Variants in ASIC3 observed in about 807,000 individuals in gnomAD.
The protein encoded by ASIC3 is acid-sensing ion channel 3.
ASIC3 carries 46 observed loss-of-function variants against 58.6 expected under a neutral mutation model. The ratio of observed to expected loss-of-function variants is 0.79; its 90% confidence interval spans 0.62 to 1.00. The LOEUF is 1.00. Ranked by LOEUF, ASIC3 falls within the 50% of genes least tolerant of loss-of-function variation. ASIC3 has a pLI of 0.00. For missense variants in ASIC3, 770 were observed against 735.0 expected (o/e 1.05, Z -0.55); for synonymous variants, 336 against 300.2 (o/e 1.12, Z -1.23).
In ASIC3 at chr7:151,052,554, C is replaced by A. The variant is rs1361554751; in HGVS notation, c.1518-20C>A. ...GTGGGTGTGCCCGTTCCCACCCCAG[C>A]ACTCTGCTCTGTTCCGAAGACCTCC... On this transcript the variant is annotated intron_variant, in intron 10 of 10. Coordinates refer to ENST00000349064, the MANE Select transcript of ASIC3 (RefSeq NM_004769.4). The surrounding 1 kb of genome is among the most constrained non-coding windows in gnomAD (Gnocchi z 5.0). 6.2e-7 allele frequency: 1 copy of A among 1,613,604 alleles called. No homozygotes were observed. Among genetic ancestry groups the A allele is most frequent in the African/African-American group, 1.3e-5 (1 of 74,896 alleles).
intron 2 of ASIC3, 65 bp downstream of exon 2, chr7:151,050,321 G>A: frequency 6.3e-7 from 1 of 1,577,000 alleles, no homozygotes; most frequent in Non-Finnish European, 8.6e-7. Context: ...AGGGGAAGGA[G>A]AGGAGGAGAG....
Position 151,052,182 on chromosome 7 carries a change from T to C in ASIC3, c.1403T>C (p.Val468Ala), listed in dbSNP as rs1196989410. 6.2e-7 allele frequency: 1 copy of C among 1,613,796 alleles called. No homozygotes were observed. Among genetic ancestry groups the C allele is most frequent in the South Asian group, 1.1e-5 (1 of 91,074 alleles). The change falls in exon 9 of 11, where the codon GTC becomes GCC. Residue 468 changes from valine to alanine, a missense_variant. Val to Ala is a moderately conservative substitution (Grantham distance 64). Coordinates refer to ENST00000349064, the MANE Select transcript of ASIC3 (RefSeq NM_004769.4). This position sits in a 1 kb window ranked among gnomAD's most constrained non-coding sequence, Gnocchi z 5.0. ...DYLCEVFRDKVLGYFWNRQHS... is the reference protein window; with the variant it reads ...DYLCEVFRDKALGYFWNRQHS... ...TGCCTCCAGGTGTTCCGAGACAAGGTCCTGGGATATTTCTGGAACCGACAG... is the reference window on the plus strand; with the variant it reads ...TGCCTCCAGGTGTTCCGAGACAAGGCCCTGGGATATTTCTGGAACCGACAG...
rs1037682857 is a variant in ASIC3 at position 151,048,696 on chromosome 7, G to A, written c.-190G>A. 4.4e-6 allele frequency: 3 copies of A among 675,082 alleles called. No individual in the cohort carries two copies. The highest frequency in any genetic ancestry group is 2.1e-5 in the South Asian group (1 of 47,136). 41.8% of individuals were successfully genotyped at this position (675,082 alleles called of 1,614,324 possible). Reference sequence around the variant, plus strand: ...CGGGAAGGAACAGTGGGACCTGACCGGCCAGATCACCTCCTCCAATCCTGC... The same window carrying A: ...CGGGAAGGAACAGTGGGACCTGACCAGCCAGATCACCTCCTCCAATCCTGC... On this transcript the variant is annotated 5_prime_UTR_variant, in exon 1 of 11. Transcript: ENST00000349064.
At position 151,051,032 on chromosome 7, in the gene ASIC3, C is replaced by T; in HGVS notation, c.1010-7C>T. The T allele has an allele frequency of 6.2e-7, 1 of 1,613,328 alleles. No individual in the cohort carries two copies. ...TGCTTCTAAAGCCATCTCCCCGGTA[C>T]CCGCAGGCGACGTGCCAGTGTGCAG... On this transcript the variant is annotated splice_polypyrimidine_tract_variant and splice_region_variant and intron_variant, in intron 4 of 10. Transcript: ENST00000349064.
At chr7:151,051,656 C>T (rs1314127553) in intron 6 of ASIC3, among the ~76,000 whole-genome samples, 154 bp from the exon 7 acceptor site, 7 of 151,976 alleles carry the variant, frequency 4.6e-5, no homozygotes, top group African/African-American at 1.7e-4. Flanking sequence ...CCTCCCTCCT[C>T]ATCCTCCCAA....
intron 3 of ASIC3, 22 bp downstream of exon 3, chr7:151,050,630 C>A: frequency 6.2e-7 from 1 of 1,613,564 alleles, no homozygotes; most frequent in Non-Finnish European, 8.5e-7. Context: ...TGTGCCTCCA[C>A]ACCTACTACT....
In ASIC3 at chr7:151,048,708, T is replaced by A. The variant is rs913272056; in HGVS notation, c.-178T>A. 6 of 737,512 alleles carry A rather than the reference T, an allele frequency of 8.1e-6. No homozygotes were observed. The highest frequency in any genetic ancestry group is 1.8e-5 in the African/African-American group (1 of 56,882). The allele number at this position is 737,512 out of a possible 1,614,324, so 45.7% of individuals were successfully genotyped here. On this transcript the variant is annotated 5_prime_UTR_variant, in exon 1 of 11. Coordinates refer to ENST00000349064, the MANE Select transcript of ASIC3 (RefSeq NM_004769.4). ...GTGGGACCTGACCGGCCAGATCACC[T>A]CCTCCAATCCTGCCAGGCTAGTGCC...
At chr7:151,051,632 C>A (rs1584969196) in intron 6 of ASIC3, among the ~76,000 whole-genome samples, 178 bp from the exon 7 acceptor site, 1 of 152,012 alleles carries the variant, frequency 6.6e-6, no homozygotes, top group East Asian at 1.9e-4. Flanking sequence ...GTCTCAAACT[C>A]CTGGCCTCAA....
chr7:151,051,133 TCCGCC>T (rs752166306), intron 5 of ASIC3, 34 bp from the exon 6 acceptor site: 2 of 1,600,732 alleles, frequency 1.2e-6, no homozygotes, highest in Non-Finnish European at 1.7e-6. Flanking sequence ...TCCGCCCCGC[TCCGCC>T]CGCGGGCGTC....
In ASIC3 at chr7:151,051,861, C is replaced by T. The variant is rs777308679; in HGVS notation, c.1266C>T (p.Thr422=). 27 of 1,613,202 alleles carry T rather than the reference C, an allele frequency of 1.7e-5. No homozygotes were observed. Among genetic ancestry groups the T allele is most frequent in the East Asian group, 1.1e-4 (5 of 44,820 alleles). Reference sequence around the variant, plus strand: ...TCTTTGAGGCCCTCAACTATGAGACCGTGGAGCAGAAGAAGGCCTATGAGA... The same window carrying T: ...TCTTTGAGGCCCTCAACTATGAGACTGTGGAGCAGAAGAAGGCCTATGAGA... ...DIFFEALNYE[T]VEQKKAYEMS... Residue 422 remains threonine (T), a synonymous_variant, in exon 7 of 11, where the codon ACC becomes ACT. Transcript: ENST00000349064.
At chr7:151,050,978 A>AT (rs955074040) in intron 4 of ASIC3, 25 bp downstream of exon 4, 18 of 1,613,170 alleles carry the variant, frequency 1.1e-5, no homozygotes, top group Admixed American at 1.7e-5. Flanking sequence ...TTTTCGTCCC[A>AT]TGGCGGGCAG....
Position 151,049,053 on chromosome 7 carries a change from C to G in ASIC3, c.168C>G (p.Phe56Leu), listed in dbSNP as rs1306360562. ...CCGTGGTCCTGTCAGTGGCCACCTT[C>G]CTCTACCAGGTGGCTGAGAGGGTGC... Reference protein sequence around the residue: ...AAAVVLSVATFLYQVAERVRY... With the variant: ...AAAVVLSVATLLYQVAERVRY... The change falls in exon 1 of 11, where the codon TTC becomes TTG. Residue 56 changes from phenylalanine to leucine, a missense_variant. By Grantham distance (22) the Phe-to-Leu change is conservative (BLOSUM62 0). Transcript: ENST00000349064. 6.2e-7 allele frequency: 1 copy of G among 1,613,836 alleles called. No homozygotes were observed. Among genetic ancestry groups the G allele is most frequent in the Non-Finnish European group, 8.5e-7 (1 of 1,179,922 alleles).
chr7:151,050,698 C>G, intron 3 of ASIC3, 60 bp from the exon 4 acceptor site: 2 of 1,604,994 alleles, frequency 1.2e-6, no homozygotes, highest in East Asian at 2.2e-5. Context: ...GTCTAGGGGC[C>G]TCTCCCCAGC....
Position 151,049,197 on chromosome 7 carries a change from C to G in ASIC3, c.312C>G (p.Pro104=). The G allele has an allele frequency of 6.2e-7, 1 of 1,613,416 alleles. No individual in the cohort carries two copies. Among genetic ancestry groups the G allele is most frequent in the Non-Finnish European group, 8.5e-7 (1 of 1,179,714 alleles). The change falls in exon 1 of 11, where the codon CCC becomes CCG. Residue 104 remains proline, a synonymous_variant. Transcript: ENST00000349064. ...CACTGCGCCGCTCGCGCCTAACGCC[C>G]AACGACCTGCACTGGGCTGGGTCTG... The part of the protein sequence containing the change: ...INPLRRSRLT[P]NDLHWAGSAL...
At chr7:151,050,418 C>T in intron 2 of ASIC3, 63 bp from the exon 3 acceptor site, 1 of 1,595,306 alleles carries the variant, frequency 6.3e-7, no homozygotes, top group South Asian at 1.1e-5. Flanking sequence ...AGTGAGAGGT[C>T]TTGTCTGGTT....
chr7:151,052,569 C>G lies in ASIC3; in HGVS notation c.1518-5C>G, dbSNP rs748736458. On this transcript the variant is annotated splice_polypyrimidine_tract_variant and splice_region_variant and intron_variant, in intron 10 of 10. Coordinates refer to ENST00000349064, the MANE Select transcript of ASIC3 (RefSeq NM_004769.4). This position sits in a 1 kb window ranked among gnomAD's most constrained non-coding sequence, Gnocchi z 5.0. The stretch of plus-strand genomic sequence containing the variant: ...CCCACCCCAGCACTCTGCTCTGTTC[C>G]GAAGACCTCCCACCCCTCCCTGTGC... The G allele has an allele frequency of 6.2e-7, 1 of 1,613,644 alleles. No homozygotes were observed. The highest frequency in any genetic ancestry group is 1.1e-5 in the South Asian group (1 of 90,960).
Position 151,050,875 on chromosome 7 carries a change from A to G in ASIC3, c.931A>G (p.Thr311Ala). The G allele has an allele frequency of 1.2e-6, 2 of 1,612,624 alleles. No homozygotes were observed. Among genetic ancestry groups the G allele is most frequent in the Non-Finnish European group, 1.7e-6 (2 of 1,179,792 alleles). Residue 311 changes from threonine (T) to alanine (A), a missense_variant, in exon 4 of 11, where the codon ACC becomes GCC. Coordinates refer to ENST00000349064, the MANE Select transcript of ASIC3 (RefSeq NM_004769.4). ...SPSPSPSPPYTLMGCRLACET... is the reference protein window; with the variant it reads ...SPSPSPSPPYALMGCRLACET... Reference sequence around the variant, plus strand: ...CAGCCCCAGCCCCAGCCCTCCCTATACCCTTATGGGGTGTCGCCTGGCCTG... The same window carrying G: ...CAGCCCCAGCCCCAGCCCTCCCTATGCCCTTATGGGGTGTCGCCTGGCCTG...
rs1252906381 is a variant in ASIC3, at chr7:151,049,401, G to A, written c.516G>A (p.Gly172=). The change falls in exon 1 of 11, where the codon GGG becomes GGA. Residue 172 remains glycine (G), a synonymous_variant. Transcript: ENST00000349064. ...GTCGCTTCCGTGGCCAACCTTGTGG[G>A]CCTGAGAACTTCACCACGGTGAGCT... ...LDCRFRGQPC[G]PENFTTIFTR... is the part of the protein sequence containing the mutation. 1 of 1,593,814 alleles carries A rather than the reference G, an allele frequency of 6.3e-7. No individual in the cohort carries two copies. Among genetic ancestry groups the A allele is most frequent in the East Asian group, 2.2e-5 (1 of 44,570 alleles).
Position 151,049,205 on chromosome 7 carries a change from T to C in ASIC3, c.320T>C (p.Leu107Pro). ...CGCTCGCGCCTAACGCCCAACGACC[T>C]GCACTGGGCTGGGTCTGCGCTGCTG... ...LRRSRLTPND[L>P]HWAGSALLGL... is the part of the protein sequence containing the mutation. Residue 107 changes from leucine to proline, a missense_variant, in exon 1 of 11, where the codon CTG (leucine) becomes CCG (proline). Coordinates refer to ENST00000349064, the MANE Select transcript of ASIC3 (RefSeq NM_004769.4). The C allele has an allele frequency of 1.2e-6, 2 of 1,613,054 alleles. No homozygotes were observed. The highest frequency in any genetic ancestry group is 2.2e-5 in the South Asian group (2 of 91,064).
Sources: gnomAD v4.1 joint callset for allele counts (sites outside exome capture counted in the v4.1 genomes callset) on GRCh38, gnomAD v4.1.1 for gene constraint, Gnocchi (gnomAD v3.1) non-coding constraint, MANE v1.5 for transcripts, NCBI Gene and HGNC (gene_info 2026-07-23, HGNC 2026-07-21) for gene names.